DNAH14: variants seen among roughly 807,000 people sequenced by gnomAD.
DNAH14 encodes axonemal beta dynein heavy chain 14.
DNAH14 carries 478 observed loss-of-function variants against 520.9 expected under a neutral mutation model. The ratio of observed to expected loss-of-function variants is 0.92; its 90% CI spans 0.85 to 0.99. DNAH14 has a LOEUF of 0.99. Among genes scored for constraint, DNAH14 ranks in the 50% least tolerant of loss-of-function variants. The pLI is 0.00. For synonymous variants in DNAH14, 1,581 were observed against 1,757.2 expected (o/e 0.90, Z 2.51); for missense variants, 4,831 against 5,234.5 (o/e 0.92, Z 2.38).
chr1:225,332,830 CAAAAAAA>C (rs36110645), intron 65 of DNAH14, among the ~76,000 whole-genome samples: 11 of 90,842 alleles, frequency 1.2e-4, no homozygotes, highest in South Asian at 3.6e-4. Flanking sequence ...CCTGTCTCTA[CAAAAAAA>C]AAAAAAAAAA....
At chr1:225,234,609 G>A (rs2091428110) in intron 42 of DNAH14, among the ~76,000 whole-genome samples, 1 of 152,116 alleles carries the variant, frequency 6.6e-6, no homozygotes, top group African/African-American at 2.4e-5. Context: ...AATAGGAATA[G>A]CATTGAATCT....
chr1:224,977,906 A>G (rs535130601), intron 8 of DNAH14, among the ~76,000 whole-genome samples: 16 of 149,534 alleles, frequency 1.1e-4, no homozygotes, highest in East Asian at 3.9e-4. Context: ...GCCAGCAGGT[A>G]TATGAAAAGA....
chr1:224,989,048 G>C (rs1381621261), intron 8 of DNAH14, among the ~76,000 whole-genome samples: 1 of 152,118 alleles, frequency 6.6e-6, no homozygotes, highest in Non-Finnish European at 1.5e-5. Flanking sequence ...ACTCTTAATA[G>C]TCCTACCTTT....
chr1:225,274,419 C>T (rs1054297778), intron 52 of DNAH14, among the ~76,000 whole-genome samples: 5 of 151,716 alleles, frequency 3.3e-5, no homozygotes, highest in Non-Finnish European at 5.9e-5. Flanking sequence ...TGGTCTCGAT[C>T]TCCTGACCTC....
chr1:225,211,350 A>G (rs190178700), intron 41 of DNAH14, among the ~76,000 whole-genome samples: 1 of 152,330 alleles, frequency 6.6e-6, no homozygotes, highest in Admixed American at 6.5e-5. Flanking sequence ...AGAGAACTTC[A>G]TGAAGCATAC....
chr1:225,069,984 T>G (rs747176383), intron 17 of DNAH14, among the ~76,000 whole-genome samples: 1 of 152,202 alleles, frequency 6.6e-6, no homozygotes, highest in Non-Finnish European at 1.5e-5. Flanking sequence ...ATTTTCTAGC[T>G]TATGTCTGTA....
At chr1:225,105,173 C>A (rs1313846891) in intron 23 of DNAH14, among the ~76,000 whole-genome samples, 3 of 152,174 alleles carry the variant, frequency 2.0e-5, no homozygotes, top group African/African-American at 2.4e-5. Flanking sequence ...CAGGTTGTTC[C>A]TTTTCCATGT....
At chr1:224,949,644 C>A (rs1429147187) in intron 1 of DNAH14, among the ~76,000 whole-genome samples, 4 of 152,062 alleles carry the variant, frequency 2.6e-5, no homozygotes, top group African/African-American at 4.8e-5. Context: ...TAAAGTCAAC[C>A]ACACTATTCT....
At chr1:225,065,892 T>C (rs2148454815) in intron 17 of DNAH14, among the ~76,000 whole-genome samples, 1 of 152,198 alleles carries the variant, frequency 6.6e-6, no homozygotes, top group East Asian at 1.9e-4. Flanking sequence ...AGTGAGATTG[T>C]TGGATCATGT....
chr1:224,950,316 A>G (rs2060089505), intron 1 of DNAH14, among the ~76,000 whole-genome samples: 1 of 151,930 alleles, frequency 6.6e-6, no homozygotes, highest in African/African-American at 2.4e-5. Context: ...TGTGCCTTTT[A>G]TAAGAAGGTA....
At position 225,080,679 on chromosome 1, in the gene DNAH14, A is replaced by C. The variant is rs991723687; in HGVS notation, c.3067A>C (p.Ser1023Arg). 3 of 1,551,326 alleles carry C rather than the reference A, an allele frequency of 1.9e-6. No individual in the cohort carries two copies. Among genetic ancestry groups the C allele is most frequent in the Non-Finnish European group, 2.6e-6 (3 of 1,146,776 alleles). ...SWEWRNSSLQ[S>R]IDVESVQRNV... ...GGAATGGAGGAATAGTTCTCTTCAA[A>C]GTATTGATGTAGAATCAGTACAGAG... is the stretch of plus-strand genomic sequence containing the variant. Residue 1023 changes from serine (S) to arginine (R), a missense_variant, in exon 19 of 86, where the codon AGT (serine) becomes CGT (arginine). Ser to Arg is a moderately radical substitution (Grantham distance 110). Transcript: ENST00000682510.
Position 225,324,576 on chromosome 1 carries a change from G to T in DNAH14, c.9628-161G>T, listed in dbSNP as rs189250175. Among the ~76,000 whole-genome samples the T allele has an allele frequency of 1.9e-3, 296 of 152,232 alleles. 3 individuals carry two copies. The highest frequency in any genetic ancestry group is 0.018 in the Admixed American group (268 of 15,284). ...TAGTATTTGTGTATTTCATTTTATT[G>T]TTTCACCATAATAGGCAACTTTGTA... On this transcript the variant is annotated intron_variant, in intron 63 of 85. Coordinates refer to ENST00000682510, the MANE Select transcript of DNAH14 (RefSeq NM_001367479.1).
At chr1:225,111,794 A>G (rs111832073) in intron 23 of DNAH14, among the ~76,000 whole-genome samples, 7 of 151,084 alleles carry the variant, frequency 4.6e-5, no homozygotes, top group African/African-American at 1.5e-4. Context: ...TTTTTTATGT[A>G]TCTATTTTAT....
At chr1:224,999,553 C>G (rs1401669132) in intron 8 of DNAH14, among the ~76,000 whole-genome samples, 1 of 152,012 alleles carries the variant, frequency 6.6e-6, no homozygotes, top group Non-Finnish European at 1.5e-5. Context: ...CTTTTAATTG[C>G]CATATTTAGA....
intron 17 of DNAH14, among the ~76,000 whole-genome samples, chr1:225,069,796 T>C (rs147116788): frequency 8.5e-5 from 13 of 152,288 alleles, no homozygotes; most frequent in African/African-American, 3.1e-4. Context: ...CCAGCCCTTC[T>C]TTGTTCATCT....
At chr1:225,193,716 A>G (rs924368082) in intron 38 of DNAH14, among the ~76,000 whole-genome samples, 2 of 152,156 alleles carry the variant, frequency 1.3e-5, no homozygotes, top group African/African-American at 2.4e-5. Context: ...CAGGCAATAG[A>G]AGGAAATAAA....
chr1:225,276,963 AAGGAAGGAAGGAAGGAAGGAAGGG>A (rs2093484066), intron 53 of DNAH14, among the ~76,000 whole-genome samples: 1 of 50,008 alleles, frequency 2.0e-5, no homozygotes, highest in Admixed American at 1.8e-4. Context: ...GGAAGGAAGG[AAGGAAGGAAGGAAGGAAGGAAGGG>A]AGGGAGGAAG....
intron 5 of DNAH14, among the ~76,000 whole-genome samples, chr1:224,965,759 A>G (rs2061129408): frequency 6.6e-6 from 1 of 152,102 alleles, no homozygotes; most frequent in African/African-American, 2.4e-5. Context: ...TGAAATGGAG[A>G]TAATAATAGT....
chr1:225,266,782 C>A lies in DNAH14; in HGVS notation c.7539+13C>A. The A allele has an allele frequency of 6.8e-7, 1 of 1,473,266 alleles. No individual in the cohort carries two copies. Among genetic ancestry groups the A allele is most frequent in the Non-Finnish European group, 9.0e-7 (1 of 1,115,708 alleles). The allele number at this position is 1,473,266 out of a possible 1,614,324, so 91.3% of individuals were successfully genotyped here. ...AAATACATGGAAGGTACAGTATATA[C>A]TAAGATTTTGTTCACATTAAGTATT... On this transcript the variant is annotated intron_variant, in intron 49 of 85. Transcript: ENST00000682510.
Sources: allele counts gnomAD v4.1 joint callset (sites outside exome capture counted in the v4.1 genomes callset), GRCh38; gene constraint gnomAD v4.1.1; transcripts MANE v1.5; gene names NCBI Gene and HGNC (gene_info 2026-07-23, HGNC 2026-07-21).